The following PTPRT variants were observed in gnomAD, a reference collection of about 807,000 sequenced individuals.
PTPRT encodes protein tyrosine phosphatase receptor type T.
A neutral mutation model predicts 176.8 loss-of-function variants in PTPRT; 56 were observed. The observed-to-expected ratio is 0.32, with a 90% CI of 0.26 to 0.40. The LOEUF (loss-of-function observed/expected upper bound fraction) is 0.40. Ranked by LOEUF, PTPRT falls within the 10% of genes least tolerant of loss-of-function variation. The pLI, the probability that PTPRT is intolerant of heterozygous loss-of-function variation, is 1.00. For synonymous variants in PTPRT, 783 were observed against 739.0 expected, an observed-to-expected ratio of 1.06 and a Z score of -0.96; for missense variants, 1,540 against 1,908.2, an observed-to-expected ratio of 0.81 and a Z score of 3.60.
intron 15 of PTPRT, among the ~76,000 whole-genome samples, chr20:42,204,393 C>T (rs1169388896): frequency 2.0e-5 from 3 of 152,094 alleles, no homozygotes; most frequent in Non-Finnish European, 4.4e-5. Context: ...GTACTTATGA[C>T]TTTCTGAACT....
At chr20:42,843,406 T>C (rs2078313558) in intron 2 of PTPRT, among the ~76,000 whole-genome samples, 1 of 148,354 alleles carries the variant, frequency 6.7e-6, no homozygotes, top group African/African-American at 2.5e-5. Context: ...GCTGGGCAGC[T>C]GCTACTAGGC....
At chr20:42,989,009 G>T (rs1239735981) in intron 1 of PTPRT, among the ~76,000 whole-genome samples, 1 of 152,184 alleles carries the variant, frequency 6.6e-6, no homozygotes, top group Non-Finnish European at 1.5e-5. Context: ...AAGGTCTCAG[G>T]ATAACATCAC....
At chr20:42,053,089 C>T in the PTPRT span, among the ~76,000 whole-genome samples, 1 of 152,128 alleles carries the variant, frequency 6.6e-6, no homozygotes, top group African/African-American at 2.4e-5. Context: ...GGGTGTGGCT[C>T]TCCAACTGTA....
At chr20:42,534,191 C>A (rs995573304) in intron 7 of PTPRT, among the ~76,000 whole-genome samples, 2 of 152,218 alleles carry the variant, frequency 1.3e-5, no homozygotes, top group Non-Finnish European at 2.9e-5. Flanking sequence ...AAATATCCGG[C>A]ATTTGAGCCT....
chr20:42,727,476 A>G (rs536862545), intron 6 of PTPRT, among the ~76,000 whole-genome samples: 2 of 152,284 alleles, frequency 1.3e-5, no homozygotes, highest in African/African-American at 4.8e-5. Context: ...CACACTGTCT[A>G]ATAACTGACA....
At chr20:42,905,555 T>C (rs2079464163) in intron 1 of PTPRT, among the ~76,000 whole-genome samples, 1 of 152,180 alleles carries the variant, frequency 6.6e-6, no homozygotes, top group Admixed American at 6.5e-5. Flanking sequence ...GACCCAGCCA[T>C]CCCATTACTG....
chr20:43,023,585 T>C (rs1985791183), intron 1 of PTPRT, among the ~76,000 whole-genome samples: 1 of 152,350 alleles, frequency 6.6e-6, no homozygotes, highest in South Asian at 2.1e-4. Flanking sequence ...GGCTGGTTAC[T>C]TGGCATCTCC....
chr20:42,942,124 G>A (rs1356163891), intron 1 of PTPRT, among the ~76,000 whole-genome samples: 2 of 152,144 alleles, frequency 1.3e-5, no homozygotes, highest in East Asian at 1.9e-4. Context: ...CCACCCAGGG[G>A]GAGCTGCTGT....
intron 1 of PTPRT, among the ~76,000 whole-genome samples, chr20:43,112,548 A>C (rs904045672): frequency 6.6e-6 from 1 of 152,260 alleles, no homozygotes; most frequent in African/African-American, 2.4e-5. Flanking sequence ...GAAAGGATGG[A>C]GTGAAAAGAA....
At chr20:42,128,285 G>C (rs1402970341) in intron 19 of PTPRT, among the ~76,000 whole-genome samples, 1 of 152,064 alleles carries the variant, frequency 6.6e-6, no homozygotes, top group East Asian at 1.9e-4. Context: ...CATGTTATCT[G>C]TACTTTTGAC....
chr20:42,103,254 C>G (rs1016434213), intron 25 of PTPRT, among the ~76,000 whole-genome samples: 1 of 152,202 alleles, frequency 6.6e-6, no homozygotes, highest in Non-Finnish European at 1.5e-5. Flanking sequence ...ACCGCATGGG[C>G]TTCCAGGTGT....
In PTPRT at chr20:43,100,262, C is replaced by T. The variant is rs535258827; in HGVS notation, c.88+89384G>A. On this transcript the variant is annotated intron_variant, in intron 1 of 30. Coordinates refer to ENST00000373187, the MANE Select transcript of PTPRT (RefSeq NM_007050.6). Reference sequence around the variant, plus strand: ...CATCATGACACACGCCTGTAATCCCCGCTACTCTGGAGGCTCAGGCAGGAG... The same window carrying T: ...CATCATGACACACGCCTGTAATCCCTGCTACTCTGGAGGCTCAGGCAGGAG... 6.6e-5 allele frequency among the ~76,000 whole-genome samples: 10 copies of T among 152,090 alleles called. No individual in the cohort carries two copies. The East Asian group carries it at 1.4e-3, about 21-fold the overall frequency.
chr20:42,516,414 A>G (rs942088420), intron 7 of PTPRT, among the ~76,000 whole-genome samples: 1 of 152,118 alleles, frequency 6.6e-6, no homozygotes, highest in Non-Finnish European at 1.5e-5. Context: ...CAGAGAATGT[A>G]TTCATTTATG....
At chr20:42,530,992 G>C (rs2072373274) in intron 7 of PTPRT, among the ~76,000 whole-genome samples, 1 of 151,360 alleles carries the variant, frequency 6.6e-6, no homozygotes, top group Non-Finnish European at 1.5e-5. Context: ...AGAAGCAAAC[G>C]ACATCATCCT....
intron 7 of PTPRT, among the ~76,000 whole-genome samples, chr20:42,568,367 C>T (rs757377402): frequency 1.4e-4 from 21 of 152,080 alleles, no homozygotes; most frequent in Admixed American, 3.9e-4. Context: ...AATACTCCAA[C>T]GTTGGTATTA....
At chr20:42,480,809 C>A (rs1190381311) in intron 7 of PTPRT, among the ~76,000 whole-genome samples, 1 of 152,128 alleles carries the variant, frequency 6.6e-6, no homozygotes, top group East Asian at 1.9e-4. Flanking sequence ...AACGATTCCC[C>A]AACAACTGCA....
chr20:42,201,004 T>G (rs1010939025), intron 15 of PTPRT, among the ~76,000 whole-genome samples: 1 of 152,032 alleles, frequency 6.6e-6, no homozygotes, highest in Non-Finnish European at 1.5e-5. Flanking sequence ...CCAGAGGAAG[T>G]ATAAAAGGAA....
At chr20:42,472,164 A>G in intron 8 of PTPRT, 102 bp downstream of exon 8, 2 of 1,319,116 alleles carry the variant, frequency 1.5e-6, no homozygotes, top group South Asian at 2.9e-5. Flanking sequence ...GTGTGAGGGA[A>G]TTAAAAATGT....
chr20:42,423,181 A>AAAG (rs2059135823), intron 9 of PTPRT, among the ~76,000 whole-genome samples: 1 of 148,366 alleles, frequency 6.7e-6, no homozygotes, highest in African/African-American at 2.5e-5. Flanking sequence ...TTAAAAGTAA[A>AAAG]AAAAAAAAAA....
Sources: allele counts gnomAD v4.1 joint callset (sites outside exome capture counted in the v4.1 genomes callset), GRCh38; gene constraint gnomAD v4.1.1; transcripts MANE v1.5; gene names NCBI Gene and HGNC (gene_info 2026-07-23, HGNC 2026-07-21).